Variants in UQCC1 observed in about 807,000 individuals in gnomAD.
UQCC1 encodes the protein bFGF-repressed Zic-binding protein.
UQCC1 carries 38 observed loss-of-function variants against 48.0 expected under a neutral mutation model. That is an observed-to-expected ratio of 0.79 (90% CI 0.61 to 1.04). The LOEUF is 1.04. Ranked by LOEUF, UQCC1 falls within the 50% of genes least tolerant of loss-of-function variation. The pLI is 0.00. For synonymous variants in UQCC1, 111 were observed against 129.2 expected, an observed-to-expected ratio of 0.86 and a Z score of 0.95; for missense variants, 368 against 381.8, an observed-to-expected ratio of 0.96 and a Z score of 0.30.
chr20:35,351,755 G>T (rs757384637), intron 6 of UQCC1, among the ~76,000 whole-genome samples: 5 of 152,194 alleles, frequency 3.3e-5, no homozygotes, highest in Admixed American at 3.3e-4. Context: ...TATCAACATG[G>T]GATGAAGTGT....
At chr20:35,401,393 G>A (rs935052687) in intron 1 of UQCC1, among the ~76,000 whole-genome samples, 5 of 152,040 alleles carry the variant, frequency 3.3e-5, no homozygotes, top group South Asian at 2.1e-4. Flanking sequence ...ACAAAAATAC[G>A]AAAAATATGG....
chr20:35,382,120 A>G (rs1277565296), intron 3 of UQCC1, 95 bp from the exon 4 acceptor site: 1 of 678,680 alleles, frequency 1.5e-6, no homozygotes, highest in Non-Finnish European at 2.5e-6. Flanking sequence ...TTTTTTTTTT[A>G]AATACAGTCA....
intron 7 of UQCC1, among the ~76,000 whole-genome samples, chr20:35,319,816 C>G (rs889431693): frequency 8.5e-5 from 13 of 152,166 alleles, no homozygotes; most frequent in Admixed American, 6.5e-4. Context: ...GATGCCAGTT[C>G]ATTTGAGGCC....
intron 1 of UQCC1, among the ~76,000 whole-genome samples, chr20:35,406,499 G>A (rs374244331): frequency 6.6e-6 from 1 of 152,128 alleles, no homozygotes. Flanking sequence ...TCTATATCCA[G>A]CAAAACTATT....
chr20:35,408,851 T>C (rs1176640501), intron 1 of UQCC1, among the ~76,000 whole-genome samples: 1 of 148,938 alleles, frequency 6.7e-6, no homozygotes, highest in Non-Finnish European at 1.5e-5. Context: ...CGAGACCCTA[T>C]CTCCAAAAAA....
chr20:35,378,651 A>G (rs1330480678), intron 4 of UQCC1, among the ~76,000 whole-genome samples: 1 of 152,164 alleles, frequency 6.6e-6, no homozygotes, highest in Non-Finnish European at 1.5e-5. Context: ...AAAAAGAGTT[A>G]GAAGGGTGTT....
At chr20:35,404,782 G>GA (rs1330436685) in intron 1 of UQCC1, among the ~76,000 whole-genome samples, 2 of 151,904 alleles carry the variant, frequency 1.3e-5, no homozygotes, top group African/African-American at 4.8e-5. Flanking sequence ...CACCCAGTGT[G>GA]AAAAAACCTT....
At position 35,382,125 on chromosome 20, in the gene UQCC1, C is replaced by G. The variant is rs954050934; in HGVS notation, c.226-100G>C. The G allele has an allele frequency of 6.0e-6, 4 of 664,608 alleles. No individual in the cohort carries two copies. The Admixed American group carries it at 1.1e-4, about 18-fold the overall frequency. The allele number at this position is 664,608 out of a possible 1,614,324, so 41.2% of individuals were successfully genotyped here. On this transcript the variant is annotated intron_variant, in intron 3 of 9. Coordinates refer to ENST00000374385, the MANE Select transcript of UQCC1 (RefSeq NM_018244.5). ...TCTGAGAGCATTTTTTTTTTAAATA[C>G]AGTCAGGGTCTCCTCCCCTCACCCA...
intron 7 of UQCC1, among the ~76,000 whole-genome samples, chr20:35,341,371 C>T (rs1277742518): frequency 1.3e-5 from 2 of 151,894 alleles, no homozygotes; most frequent in East Asian, 1.9e-4. Context: ...GTGGGGGAAA[C>T]GATTTATTTC....
chr20:35,394,863 C>T (rs1175113113), intron 1 of UQCC1, among the ~76,000 whole-genome samples: 4 of 152,258 alleles, frequency 2.6e-5, no homozygotes, highest in African/African-American at 9.6e-5. Context: ...AGTAGTGGGT[C>T]CCCAGGTTAC....
intron 6 of UQCC1, among the ~76,000 whole-genome samples, chr20:35,357,246 C>T (rs1022651187): frequency 1.3e-5 from 2 of 151,096 alleles, no homozygotes; most frequent in Non-Finnish European, 3.0e-5. Flanking sequence ...TTAGGCCGGG[C>T]GCAGTGGCTC....
chr20:35,388,696 C>A (rs566388842), intron 2 of UQCC1, among the ~76,000 whole-genome samples: 1 of 152,330 alleles, frequency 6.6e-6, no homozygotes, highest in South Asian at 2.1e-4. Flanking sequence ...CTTCAAAAGT[C>A]TGAGTAGAGT....
At chr20:35,354,406 T>G (rs2146407516) in intron 6 of UQCC1, among the ~76,000 whole-genome samples, 1 of 150,784 alleles carries the variant, frequency 6.6e-6, no homozygotes, top group South Asian at 2.1e-4. Flanking sequence ...CTTTTTTTTT[T>G]TTTGTTTTGA....
chr20:35,409,472 G>GAA (rs76230585), intron 1 of UQCC1: 34 of 126,186 alleles, frequency 2.7e-4, no homozygotes, highest in Middle Eastern at 2.1e-3. Context: ...CTCCGTCTCA[G>GAA]AAAAAAAAAA....
rs375802334 is a variant in UQCC1 at position 35,379,205 on chromosome 20, T to C, written c.333+2713A>G. On this transcript the variant is annotated intron_variant, in intron 4 of 9. Transcript: ENST00000374385. ...CTCAAATAGGTAAGGGAAAGCTACA[T>C]TTAAGATCCTAAACATGATTATCAA... Among the ~76,000 whole-genome samples the C allele has an allele frequency of 6.6e-4, 101 of 152,332 alleles. No individual in the cohort carries two copies. The South Asian group carries it at 0.016, about 24-fold the overall frequency.
At position 35,351,260 on chromosome 20, in the gene UQCC1, G is replaced by T. The variant is rs191689483; in HGVS notation, c.465-3988C>A. ...ACAAAAATTAGCCAGGTATGGTGGC[G>T]CGTGCCTGTAATCCCAGCTACTCGA... On this transcript the variant is annotated intron_variant, in intron 6 of 9. Transcript: ENST00000374385. 5.9e-5 allele frequency among the ~76,000 whole-genome samples: 9 copies of T among 151,742 alleles called. No individual in the cohort carries two copies. In the East Asian group the frequency reaches 1.6e-3, roughly 26 times the overall value.
intron 6 of UQCC1, among the ~76,000 whole-genome samples, chr20:35,352,844 G>A (rs534424707): frequency 2.6e-4 from 39 of 152,088 alleles, no homozygotes; most frequent in African/African-American, 9.2e-4. Context: ...CACTGAGCCC[G>A]GCTAATTTTT....
chr20:35,349,901 G>A (rs56306402), intron 6 of UQCC1, among the ~76,000 whole-genome samples: 79,421 of 151,848 alleles, frequency 0.52, 22,434 homozygotes, highest in East Asian at 0.72. Flanking sequence ...GGAGGCTGAG[G>A]CAGGAGGATC....
chr20:35,305,998 A>G (rs2060924272), intron 9 of UQCC1, among the ~76,000 whole-genome samples: 1 of 152,302 alleles, frequency 6.6e-6, no homozygotes, highest in Middle Eastern at 3.4e-3. Context: ...CAGCTCACTC[A>G]TCTATCAAGT....
Sources: allele counts gnomAD v4.1 joint callset (sites outside exome capture counted in the v4.1 genomes callset), GRCh38; gene constraint gnomAD v4.1.1; transcripts MANE v1.5; gene names NCBI Gene and HGNC (gene_info 2026-07-23, HGNC 2026-07-21).